CALCRL: variants seen among roughly 807,000 people sequenced by gnomAD.
CALCRL encodes the protein calcitonin gene-related peptide type 1 receptor.
A neutral mutation model predicts 60.4 loss-of-function variants in CALCRL; 27 were observed. The ratio of observed to expected loss-of-function variants is 0.45; its 90% CI spans 0.33 to 0.62. The LOEUF is 0.62. Among genes scored for constraint, CALCRL ranks in the 20% least tolerant of loss-of-function variants. The pLI is 0.03. For missense variants in CALCRL, 424 were observed against 540.7 expected, an observed-to-expected ratio of 0.78 and a Z score of 2.14; for synonymous variants, 190 against 182.6, an observed-to-expected ratio of 1.04 and a Z score of -0.33.
intron 1 of CALCRL, among the ~76,000 whole-genome samples, chr2:187,418,637 GAAGAT>G (rs1271765608): frequency 6.6e-6 from 1 of 152,022 alleles, no homozygotes; most frequent in East Asian, 1.9e-4. Context: ...GTAGACATTG[GAAGAT>G]TGGTTAAATT....
chr2:187,375,132 C>G (rs1401784084), intron 8 of CALCRL, among the ~76,000 whole-genome samples: 1 of 151,224 alleles, frequency 6.6e-6, no homozygotes, highest in African/African-American at 2.4e-5. Flanking sequence ...ATTAGCCGGG[C>G]GCGGTGGCGG....
Position 187,370,847 on chromosome 2 carries a change from A to G in CALCRL, c.501-7345T>C, listed in dbSNP as rs1176487010. Among the ~76,000 whole-genome samples, 7 of 152,348 alleles carry G rather than the reference A, an allele frequency of 4.6e-5. No individual in the cohort carries two copies. In the South Asian group the frequency reaches 1.4e-3, roughly 32 times the overall value. ...AAACATTTTGGCACCATCTCACTTT[A>G]TGGCATAAGAATGTTTTCACCTCTC... is the stretch of plus-strand genomic sequence containing the variant. On this transcript the variant is annotated intron_variant, in intron 8 of 14. Transcript: ENST00000392370.
chr2:187,393,603 G>A (rs1013002222), intron 1 of CALCRL, among the ~76,000 whole-genome samples: 5 of 151,902 alleles, frequency 3.3e-5, no homozygotes, highest in Non-Finnish European at 7.4e-5. Flanking sequence ...TTCATCTCCG[G>A]GGCTACACAC....
In CALCRL at chr2:187,395,315, C is replaced by G. The variant is rs143198181; in HGVS notation, c.-292-7559G>C. Among the ~76,000 whole-genome samples, 1,120 of 152,184 alleles carry G rather than the reference C, an allele frequency of 7.4e-3. 9 individuals carry two copies. The highest frequency in any genetic ancestry group is 8.0e-3 in the African/African-American group (332 of 41,548). On this transcript the variant is annotated intron_variant, in intron 1 of 14. Coordinates refer to ENST00000392370, the MANE Select transcript of CALCRL (RefSeq NM_005795.6). ...TTATTCAGTTATTTTGCTTAACCAC[C>G]AGTTTTCTCATTACATGTCACTTGT...
At chr2:187,393,915 G>C (rs924788591) in intron 1 of CALCRL, among the ~76,000 whole-genome samples, 7 of 152,042 alleles carry the variant, frequency 4.6e-5, no homozygotes, top group African/African-American at 1.7e-4. Context: ...TCATGTGGTA[G>C]GCAGAATGAT....
intron 8 of CALCRL, among the ~76,000 whole-genome samples, chr2:187,365,408 G>T (rs1290855134): frequency 1.3e-5 from 2 of 152,042 alleles, no homozygotes; most frequent in Non-Finnish European, 2.9e-5. Context: ...TTAGAGAGAG[G>T]AACTGCTTAT....
Position 187,431,452 on chromosome 2 carries a change from T to C in CALCRL, c.-293+16587A>G, listed in dbSNP as rs1690401936. Reference sequence around the variant, plus strand: ...CAGAATTTAACCTCAAGTTAAATACTAGTGTGTTTCTTTGTTAAAACCATA... The same window carrying C: ...CAGAATTTAACCTCAAGTTAAATACCAGTGTGTTTCTTTGTTAAAACCATA... On this transcript the variant is annotated intron_variant, in intron 1 of 14. Transcript: ENST00000392370. The C allele has an allele frequency of 1.9e-5, 3 of 154,914 alleles. No individual in the cohort carries two copies. In the Middle Eastern group the frequency reaches 1.6e-3, roughly 81 times the overall value. 9.6% of individuals were successfully genotyped at this position (154,914 alleles called of 1,614,324 possible). A position where few individuals can be genotyped will look rare whatever the true frequency, so the allele number is the denominator to read the frequency against.
chr2:187,385,165 G>A (rs888128281), intron 4 of CALCRL, among the ~76,000 whole-genome samples: 6 of 152,274 alleles, frequency 3.9e-5, no homozygotes, highest in East Asian at 1.9e-4. Context: ...CTGGCAGAAC[G>A]GGAGAAACAT....
At chr2:187,371,133 A>G (rs1403291738) in intron 8 of CALCRL, among the ~76,000 whole-genome samples, 2 of 151,900 alleles carry the variant, frequency 1.3e-5, no homozygotes, top group East Asian at 3.9e-4. Context: ...AGTCCCAGCT[A>G]CTCAGGAGGC....
intron 1 of CALCRL, among the ~76,000 whole-genome samples, chr2:187,418,387 A>G (rs562373870): frequency 3.3e-4 from 51 of 152,370 alleles, no homozygotes; most frequent in African/African-American, 1.2e-3. Context: ...TACTGGATCT[A>G]TAAGTCAATA....
At chr2:187,390,829 G>A (rs1373750434) in intron 1 of CALCRL, among the ~76,000 whole-genome samples, 4 of 152,150 alleles carry the variant, frequency 2.6e-5, no homozygotes, top group Admixed American at 2.6e-4. Context: ...AGATAGAGCA[G>A]CAAGTTTAGG....
At chr2:187,436,850 T>G (rs1690665908) in intron 1 of CALCRL, among the ~76,000 whole-genome samples, 1 of 152,216 alleles carries the variant, frequency 6.6e-6, no homozygotes, top group South Asian at 2.1e-4. Flanking sequence ...CCTTTTATCT[T>G]CTCTTTCTTT....
At chr2:187,442,351 G>A (rs1690959693) in intron 1 of CALCRL, among the ~76,000 whole-genome samples, 1 of 150,900 alleles carries the variant, frequency 6.6e-6, no homozygotes, top group Non-Finnish European at 1.5e-5. Flanking sequence ...AGCAAAATGA[G>A]AATCCCTTTG....
At chr2:187,391,809 A>G (rs1688458796) in intron 1 of CALCRL, among the ~76,000 whole-genome samples, 1 of 152,102 alleles carries the variant, frequency 6.6e-6, no homozygotes, top group Non-Finnish European at 1.5e-5. Flanking sequence ...ACTGTGAAAA[A>G]TAAAAATGTC....
intron 1 of CALCRL, among the ~76,000 whole-genome samples, chr2:187,441,502 G>A (rs3755249): frequency 0.28 from 42,783 of 151,594 alleles, 6,821 homozygotes; most frequent in Non-Finnish European, 0.36. Context: ...CAGGAGACCT[G>A]TCTTGTTGGC....
chr2:187,361,185 T>TC (rs397831184), intron 9 of CALCRL, among the ~76,000 whole-genome samples: 1 of 151,726 alleles, frequency 6.6e-6, no homozygotes, highest in African/African-American at 2.4e-5. Context: ...TTGAAAAGTT[T>TC]GCATATTACA....
intron 8 of CALCRL, among the ~76,000 whole-genome samples, chr2:187,370,906 G>A (rs971780648): frequency 6.6e-6 from 1 of 152,186 alleles, no homozygotes; most frequent in African/African-American, 2.4e-5. Flanking sequence ...GGATTTTTAT[G>A]TACACTAACT....
At chr2:187,429,760 G>A (rs959561949) in intron 1 of CALCRL, among the ~76,000 whole-genome samples, 1 of 152,116 alleles carries the variant, frequency 6.6e-6, no homozygotes, top group Non-Finnish European at 1.5e-5. Context: ...GAAAATCTTT[G>A]CAATGCTCTA....
rs1175885087 is a variant in CALCRL, at chr2:187,343,971, T to C, written c.*2213A>G. 1.3e-5 allele frequency: 2 copies of C among 151,450 alleles called. No individual in the cohort carries two copies. The highest frequency in any genetic ancestry group is 3.0e-5 in the Non-Finnish European group (2 of 67,596). The allele number at this position is 151,450 out of a possible 1,614,324, so 9.4% of individuals were successfully genotyped here. ...AAAGCACAACAAAAATACTTGAAAA[T>C]TACATGTTTATTTTAATATAATCTC... is the stretch of plus-strand genomic sequence containing the variant. On this transcript the variant is annotated 3_prime_UTR_variant, in exon 15 of 15. Transcript: ENST00000392370.
Sources: gnomAD v4.1 joint callset for allele counts (sites outside exome capture counted in the v4.1 genomes callset) on GRCh38, gnomAD v4.1.1 for gene constraint, MANE v1.5 for transcripts, NCBI Gene and HGNC (gene_info 2026-07-23, HGNC 2026-07-21) for gene names.